Variants in EEFSEC observed in about 807,000 individuals in gnomAD.
EEFSEC encodes the protein eukaryotic elongation factor, selenocysteine-tRNA specific, also known as selenocysteine-specific elongation factor.
Under a neutral mutation model 42.1 loss-of-function variants are expected in EEFSEC, and 43 were observed. The observed-to-expected ratio is 1.02, with a 90% CI of 0.80 to 1.32. The LOEUF is 1.32. Among genes scored for constraint, EEFSEC ranks in the 40% most tolerant of loss-of-function variants. EEFSEC has a pLI of 0.00. For missense variants in EEFSEC, 745 were observed against 803.6 expected (o/e 0.93, Z 0.88); for synonymous variants, 354 against 339.1 (o/e 1.04, Z -0.48).
chr3:128,211,518 A>G (rs1033037476), intron 1 of EEFSEC, among the ~76,000 whole-genome samples: 1 of 151,772 alleles, frequency 6.6e-6, no homozygotes, highest in African/African-American at 2.4e-5. Context: ...AGAAATACAT[A>G]TACTTCTTTT....
At chr3:128,351,759 A>G (rs567471067) in intron 5 of EEFSEC, among the ~76,000 whole-genome samples, 1 of 152,338 alleles carries the variant, frequency 6.6e-6, no homozygotes, top group South Asian at 2.1e-4. Context: ...CGTGTAAGCA[A>G]GCGCCTGGAC....
chr3:128,247,846 C>A (rs2066143693), intron 2 of EEFSEC, among the ~76,000 whole-genome samples: 1 of 152,032 alleles, frequency 6.6e-6, no homozygotes, highest in Admixed American at 6.6e-5. Context: ...GTGGTTTTAC[C>A]AGGGAGAGAA....
intron 6 of EEFSEC, among the ~76,000 whole-genome samples, chr3:128,374,374 C>T (rs953892841): frequency 7.2e-5 from 11 of 152,200 alleles, no homozygotes; most frequent in African/African-American, 2.4e-4. Flanking sequence ...CAGGTACCTA[C>T]AATTTTTCCC....
At chr3:128,412,250 A>C (rs576388096), downstream of EEFSEC, among the ~76,000 whole-genome samples, 1 of 152,286 alleles carries the variant, frequency 6.6e-6, no homozygotes, top group South Asian at 2.1e-4. Context: ...TCTATTCTAC[A>C]GGAAGCATAC....
At chr3:128,174,735 TAC>T (rs964344360) in intron 1 of EEFSEC, among the ~76,000 whole-genome samples, 22 of 152,308 alleles carry the variant, frequency 1.4e-4, no homozygotes, top group African/African-American at 5.1e-4. Context: ...GTAACTGTGA[TAC>T]AGTTAGCATC....
chr3:128,325,779 G>T (rs901977740), intron 4 of EEFSEC, among the ~76,000 whole-genome samples: 1 of 152,150 alleles, frequency 6.6e-6, no homozygotes, highest in East Asian at 1.9e-4. Flanking sequence ...TATTGGTTCA[G>T]TATTACAGAG....
chr3:128,276,976 C>T (rs575288308), intron 4 of EEFSEC, among the ~76,000 whole-genome samples: 5 of 152,350 alleles, frequency 3.3e-5, no homozygotes, highest in African/African-American at 1.2e-4. Context: ...AGGCTAAGCA[C>T]AGCAAGTACT....
rs373575640 is a variant in EEFSEC, at chr3:128,357,127, T to C, written c.1444-1090T>C. On this transcript the variant is annotated intron_variant, in intron 5 of 6. Coordinates refer to ENST00000254730, the MANE Select transcript of EEFSEC (RefSeq NM_021937.5). ...TTATCATGGGGCCCAAGTTTGCTAC[T>C]GGAGGCAGGATCTACAGAGCAGGGG... Among the ~76,000 whole-genome samples the C allele has an allele frequency of 9.2e-5, 14 of 152,172 alleles. No homozygotes were observed. In the South Asian group the frequency reaches 2.9e-3, roughly 32 times the overall value.
At chr3:128,330,310 A>G (rs2067112437) in intron 4 of EEFSEC, among the ~76,000 whole-genome samples, 2 of 152,172 alleles carry the variant, frequency 1.3e-5, no homozygotes, top group Admixed American at 1.3e-4. Context: ...GCTGGGCCAC[A>G]TGGTAGAAAG....
chr3:128,363,967 G>A (rs2067558503), intron 6 of EEFSEC, among the ~76,000 whole-genome samples: 1 of 152,122 alleles, frequency 6.6e-6, no homozygotes, highest in South Asian at 2.1e-4. Flanking sequence ...TGCTGCCTAG[G>A]AACAGAGCTT....
At chr3:128,169,898 C>A (rs1349412370) in intron 1 of EEFSEC, among the ~76,000 whole-genome samples, 1 of 152,236 alleles carries the variant, frequency 6.6e-6, no homozygotes, top group Non-Finnish European at 1.5e-5. Context: ...GCCCTTCATG[C>A]TTCCCTCCAT....
chr3:128,172,307 C>T (rs903407904), intron 1 of EEFSEC, among the ~76,000 whole-genome samples: 1 of 152,174 alleles, frequency 6.6e-6, no homozygotes, highest in African/African-American at 2.4e-5. Context: ...CCGAAGGAAC[C>T]CATGCATAGG....
At chr3:128,390,887 G>C (rs1187156786) in intron 6 of EEFSEC, among the ~76,000 whole-genome samples, 1 of 152,222 alleles carries the variant, frequency 6.6e-6, no homozygotes, top group Non-Finnish European at 1.5e-5. Flanking sequence ...GCGCCCTCAG[G>C]CTGGGTGTTC....
intron 6 of EEFSEC, among the ~76,000 whole-genome samples, chr3:128,399,412 G>A (rs916406431): frequency 3.3e-5 from 5 of 152,236 alleles, no homozygotes; most frequent in African/African-American, 4.8e-5. Context: ...CGGAAAGAGC[G>A]AGGCTCCTGC....
At chr3:128,338,107 C>A (rs1323207373) in intron 4 of EEFSEC, among the ~76,000 whole-genome samples, 1 of 152,220 alleles carries the variant, frequency 6.6e-6, no homozygotes. Context: ...GCACTATGTG[C>A]ACAGGTTTTT....
At chr3:128,208,157 A>G (rs2065719583) in intron 1 of EEFSEC, among the ~76,000 whole-genome samples, 2 of 152,300 alleles carry the variant, frequency 1.3e-5, no homozygotes, top group African/African-American at 4.8e-5. Context: ...AGCAGCCCAC[A>G]TAGTGTGGGG....
rs970506014 is a variant in EEFSEC, at chr3:128,341,773, C to T, written c.1327C>T (p.Arg443Trp). 5.0e-6 allele frequency: 8 copies of T among 1,614,010 alleles called. No homozygotes were observed. Among genetic ancestry groups the T allele is most frequent in the African/African-American group, 1.3e-5 (1 of 74,942 alleles). Residue 443 changes from arginine to tryptophan, a missense_variant, in exon 5 of 7, where the codon CGG becomes TGG. Transcript: ENST00000254730. ...LDADIHTNTCRLAFHGILLHG... is the reference protein window; with the variant it reads ...LDADIHTNTCWLAFHGILLHG... ...TGCGGACATTCACACCAACACGTGCCGGCTAGCCTTCCATGGCATCCTGCT... is the reference window on the plus strand; with the variant it reads ...TGCGGACATTCACACCAACACGTGCTGGCTAGCCTTCCATGGCATCCTGCT...
At chr3:128,302,442 G>A (rs1215828006) in intron 4 of EEFSEC, among the ~76,000 whole-genome samples, 1 of 152,102 alleles carries the variant, frequency 6.6e-6, no homozygotes, top group African/African-American at 2.4e-5. Context: ...CTGATTTAAT[G>A]CCCTGATTTC....
intron 6 of EEFSEC, among the ~76,000 whole-genome samples, chr3:128,360,526 C>G (rs1046087799): frequency 6.6e-6 from 1 of 152,220 alleles, no homozygotes. Context: ...GCTAGGATCA[C>G]GCTGACCTCC....
Sources: allele counts gnomAD v4.1 joint callset (sites outside exome capture counted in the v4.1 genomes callset), GRCh38; gene constraint gnomAD v4.1.1; transcripts MANE v1.5; gene names NCBI Gene and HGNC (gene_info 2026-07-23, HGNC 2026-07-21).